Variants in SYCP2 observed in about 807,000 individuals in gnomAD.
The protein encoded by SYCP2 is synaptonemal complex lateral element protein.
A neutral mutation model predicts 211.3 loss-of-function variants in SYCP2; 55 were observed. The observed-to-expected ratio is 0.26, with a 90% confidence interval of 0.21 to 0.33. The LOEUF is 0.33. SYCP2 is among the 10% of genes least tolerant of loss of function. The probability of loss-of-function intolerance (pLI) is 1.00; values close to 1 mark genes in which losing one functional copy is unlikely to be tolerated. For missense variants in SYCP2, 1,731 were observed against 1,752.0 expected (o/e 0.99, Z 0.21); for synonymous variants, 570 against 555.2 (o/e 1.03, Z -0.37).
intron 44 of SYCP2, 45 bp from the exon 45 acceptor site, chr20:59,864,433 G>C (rs766970245): frequency 2.3e-6 from 3 of 1,314,624 alleles, no homozygotes; most frequent in Non-Finnish European, 3.2e-6. Context: ...TCACATTTTC[G>C]CTGTAAAACC....
At chr20:59,879,862 T>TATATATATATACAC (rs1469618397) in intron 31 of SYCP2, among the ~76,000 whole-genome samples, 3 of 116,086 alleles carry the variant, frequency 2.6e-5, no homozygotes, top group Non-Finnish European at 5.4e-5. Context: ...TATATATATA[T>TATATATATATACAC]ACACACACAC....
chr20:59,867,316 C>T (rs1360490249), intron 39 of SYCP2, among the ~76,000 whole-genome samples: 1 of 151,480 alleles, frequency 6.6e-6, no homozygotes, highest in Non-Finnish European at 1.5e-5. Flanking sequence ...AACTATAATA[C>T]AAAACTAGTA....
intron 28 of SYCP2, among the ~76,000 whole-genome samples, 160 bp downstream of exon 28, chr20:59,881,785 C>T (rs1473055019): frequency 6.8e-6 from 1 of 147,624 alleles, no homozygotes; most frequent in African/African-American, 2.5e-5. Flanking sequence ...AAAAAGCCAC[C>T]TAAATATACG....
In SYCP2 at chr20:59,873,904, G is replaced by T. The variant is rs779168718; in HGVS notation, c.3507C>A (p.Phe1169Leu). The T allele has an allele frequency of 6.8e-6, 11 of 1,613,236 alleles. No individual in the cohort carries two copies. In the Admixed American group the frequency reaches 1.5e-4, roughly 22 times the overall value. The change falls in exon 35 of 45, where the codon TTC (phenylalanine) becomes TTA (leucine). Residue 1169 changes from phenylalanine (F) to leucine (L), a missense_variant. Physicochemically the swap from Phe to Leu is conservative, Grantham distance 22 (BLOSUM62 0). Transcript: ENST00000357552. ...IKSPKNNEKN[F>L]LCASESCSPI... ...GTGAACAACTTTCACTTGCACACAG[G>T]AAGTTTTTCTCATTGTTTTTGGGTG...
chr20:59,919,719 G>T, intron 5 of SYCP2, 122 bp from the exon 6 acceptor site: 1 of 507,886 alleles, frequency 2.0e-6, no homozygotes, highest in South Asian at 3.8e-5. Context: ...TTTTAGTGTT[G>T]TATCAAAATA....
intron 34 of SYCP2, 128 bp from the exon 35 acceptor site, chr20:59,874,189 G>T (rs1471334216): frequency 1.9e-6 from 1 of 518,778 alleles, no homozygotes; most frequent in Non-Finnish European, 3.2e-6. Flanking sequence ...TATAAAAAAG[G>T]ATAGCTTTAA....
chr20:59,900,845 G>A, intron 16 of SYCP2, 27 bp from the exon 17 acceptor site: 1 of 1,446,196 alleles, frequency 6.9e-7, no homozygotes, highest in Non-Finnish European at 9.7e-7. Flanking sequence ...TCACAGTGAT[G>A]ACATTTTCTT....
At chr20:59,921,481 C>A (rs1203281044) in intron 3 of SYCP2, 28 bp from the exon 4 acceptor site, 1 of 1,522,026 alleles carries the variant, frequency 6.6e-7, no homozygotes, top group East Asian at 2.4e-5. Flanking sequence ...ATGGCACATA[C>A]TGTATCAAAA....
At chr20:59,877,966 A>G (rs1407978306) in intron 32 of SYCP2, 42 bp downstream of exon 32, 2 of 1,497,206 alleles carry the variant, frequency 1.3e-6, no homozygotes, top group Non-Finnish European at 1.8e-6. Flanking sequence ...GCAAGAAAAA[A>G]TAATTTTAAA....
intron 18 of SYCP2, among the ~76,000 whole-genome samples, chr20:59,898,320 A>C (rs972071056): frequency 6.6e-6 from 1 of 152,234 alleles, no homozygotes; most frequent in Non-Finnish European, 1.5e-5. Flanking sequence ...GAACCAACCC[A>C]AATGCCCATC....
intron 1 of SYCP2, among the ~76,000 whole-genome samples, chr20:59,932,383 T>TA (rs1346222846): frequency 6.6e-6 from 1 of 152,008 alleles, no homozygotes; most frequent in Non-Finnish European, 1.5e-5. Context: ...CCATCATTAC[T>TA]AAAAAATGTA....
Position 59,866,200 on chromosome 20 carries a change from T to C in SYCP2, c.4320+93A>G, listed in dbSNP as rs557997664. On this transcript the variant is annotated intron_variant, in intron 41 of 44. Transcript: ENST00000357552. ...AAATTATTTTCTGAACAAAAAGCTT[T>C]AGGATGTGCTCCCAAAAAAGAAAGT... The C allele has an allele frequency of 2.5e-4, 180 of 708,712 alleles. 3 individuals are homozygous for C. In the East Asian group the frequency reaches 5.2e-3, roughly 20 times the overall value. The allele number at this position is 708,712 out of a possible 1,614,324, so 43.9% of individuals were successfully genotyped here.
chr20:59,869,698 G>A, intron 36 of SYCP2, 100 bp downstream of exon 36: 1 of 627,482 alleles, frequency 1.6e-6, no homozygotes, highest in Non-Finnish European at 2.7e-6. Flanking sequence ...CAGTTGAAAA[G>A]CATTAAAATA....
At position 59,868,838 on chromosome 20, in the gene SYCP2, A is replaced by C. The variant is rs747990798; in HGVS notation, c.3829T>G (p.Ser1277Ala). The C allele has an allele frequency of 1.2e-6, 2 of 1,605,878 alleles. No individual in the cohort carries two copies. The highest frequency in any genetic ancestry group is 2.2e-5 in the South Asian group (2 of 89,774). The change falls in exon 37 of 45, where the codon TCA (serine) becomes GCA (alanine). Residue 1277 changes from serine to alanine, a missense_variant. Ser to Ala is a moderately conservative substitution (Grantham distance 99). Transcript: ENST00000357552. The stretch of plus-strand genomic sequence containing the variant: ...AAGCAAGACTATGACTACAAACCTG[A>C]TACATGAGTAGCATCACAGGGCATG... ...FDMPCDATHV[S>A]GPTQHLSRKR... is the part of the protein sequence containing the mutation.
chr20:59,870,443 C>CT (rs35684647), intron 35 of SYCP2, among the ~76,000 whole-genome samples: 84 of 151,312 alleles, frequency 5.6e-4, no homozygotes, highest in Non-Finnish European at 1.0e-3. Context: ...TAAAAAAAGT[C>CT]TTTTTTTTAA....
chr20:59,907,974 C>T (rs537287194), intron 14 of SYCP2, among the ~76,000 whole-genome samples: 7 of 152,192 alleles, frequency 4.6e-5, no homozygotes, highest in Non-Finnish European at 7.3e-5. Context: ...TGGCCAGGCA[C>T]GGTGGCTCAC....
intron 24 of SYCP2, among the ~76,000 whole-genome samples, chr20:59,890,335 G>T (rs1327665054): frequency 2.0e-5 from 3 of 152,120 alleles, no homozygotes; most frequent in Non-Finnish European, 4.4e-5. Context: ...ACTCATAAGT[G>T]GGAGTTGAAT....
Position 59,867,030 on chromosome 20 carries a change from A to G in SYCP2, c.4126-441T>C, listed in dbSNP as rs2059352353. Among the ~76,000 whole-genome samples, 7 of 143,664 alleles carry G rather than the reference A, an allele frequency of 4.9e-5. No individual in the cohort carries two copies. The South Asian group carries it at 1.3e-3, about 27-fold the overall frequency. The allele number at this position is 143,664 out of a possible 152,430, so 94.2% of individuals were successfully genotyped here. ...GCCTTGGGCCAAAAAAAAAAAAAAA[A>G]AAAAAGAAACAGAAAAAACAAGCAA... On this transcript the variant is annotated intron_variant, in intron 39 of 44. Transcript: ENST00000357552.
chr20:59,921,224 C>G, intron 4 of SYCP2, 86 bp downstream of exon 4: 1 of 1,162,896 alleles, frequency 8.6e-7, no homozygotes, highest in Non-Finnish European at 1.2e-6. Context: ...CAAGCCTATT[C>G]ATTTTTTTCT....
Sources: gnomAD v4.1 joint callset for allele counts (sites outside exome capture counted in the v4.1 genomes callset) on GRCh38, gnomAD v4.1.1 for gene constraint, MANE v1.5 for transcripts, NCBI Gene and HGNC (gene_info 2026-07-23, HGNC 2026-07-21) for gene names.